TANC1: variants seen among roughly 807,000 people sequenced by gnomAD.
The protein encoded by TANC1 is tetratricopeptide repeat, ankyrin repeat and coiled-coil containing 1.
A neutral mutation model predicts 149.7 loss-of-function variants in TANC1; 77 were observed. That is an observed-to-expected ratio of 0.51 (90% confidence interval 0.43 to 0.62). The LOEUF (loss-of-function observed/expected upper bound fraction) is 0.62. TANC1 is among the 20% of genes least tolerant of loss of function. The pLI is 0.00. For synonymous variants in TANC1, 854 were observed against 925.0 expected (o/e 0.92, Z 1.39); for missense variants, 1,985 against 2,321.8 (o/e 0.85, Z 2.98).
At chr2:159,197,472 G>A (rs1299952186) in intron 18 of TANC1, among the ~76,000 whole-genome samples, 4 of 152,168 alleles carry the variant, frequency 2.6e-5, no homozygotes, top group Non-Finnish European at 4.4e-5. Flanking sequence ...TATTTGGTAA[G>A]ATTCTTTTTC....
At chr2:159,080,973 A>G (rs1242451399) in intron 3 of TANC1, among the ~76,000 whole-genome samples, 1 of 152,150 alleles carries the variant, frequency 6.6e-6, no homozygotes, top group African/African-American at 2.4e-5. Flanking sequence ...TAATTTTCAC[A>G]GGCTCACTCC....
chr2:159,172,405 AG>A, intron 11 of TANC1, 133 bp downstream of exon 11: 1 of 816,918 alleles, frequency 1.2e-6, no homozygotes, highest in Non-Finnish European at 1.9e-6. Context: ...TTAATGAAAT[AG>A]TGATACAGTT....
chr2:159,003,719 C>T (rs1023029383), intron 2 of TANC1, among the ~76,000 whole-genome samples: 13 of 152,218 alleles, frequency 8.5e-5, no homozygotes, highest in African/African-American at 2.2e-4. Context: ...AGCTGTATCA[C>T]GTTGGATCTG....
chr2:159,194,112 A>T, intron 16 of TANC1, 145 bp from the exon 17 acceptor site: 1 of 685,266 alleles, frequency 1.5e-6, no homozygotes, highest in East Asian at 2.5e-5. Flanking sequence ...TGCATTGTTA[A>T]TATATTCCCA....
chr2:159,179,420 G>A (rs1392688260), intron 14 of TANC1, among the ~76,000 whole-genome samples: 3 of 152,068 alleles, frequency 2.0e-5, no homozygotes, highest in African/African-American at 7.2e-5. Context: ...GCTGGGTGGT[G>A]CCTGTGTGGT....
intron 2 of TANC1, among the ~76,000 whole-genome samples, chr2:159,025,309 A>G (rs896498622): frequency 1.0e-4 from 15 of 147,408 alleles, no homozygotes; most frequent in Non-Finnish European, 2.1e-4. Context: ...TGGTAAGTGT[A>G]CCTAAAACCT....
At chr2:158,968,962 G>A (rs2032381946) in intron 1 of TANC1, among the ~76,000 whole-genome samples, 180 bp downstream of exon 1, 1 of 152,156 alleles carries the variant, frequency 6.6e-6, no homozygotes, top group Admixed American at 6.5e-5. Flanking sequence ...GGAGCTTTCC[G>A]GGAATAGGCA....
At chr2:159,179,277 C>T (rs1193194830) in intron 14 of TANC1, 114 bp downstream of exon 14, 2 of 1,335,566 alleles carry the variant, frequency 1.5e-6, no homozygotes, top group South Asian at 1.4e-5. Flanking sequence ...ATGACTAATT[C>T]AGTGTTACTG....
intron 14 of TANC1, among the ~76,000 whole-genome samples, chr2:159,179,555 C>G (rs1203598661): frequency 1.3e-5 from 2 of 152,110 alleles, no homozygotes; most frequent in Admixed American, 6.5e-5. Flanking sequence ...AGGGAGTTCC[C>G]TGTGTGTCTG....
Position 159,143,371 on chromosome 2 carries a change from A to T in TANC1, c.365-5771A>T, listed in dbSNP as rs1574940367. Reference sequence around the variant, plus strand: ...TGGGTAAAAGATCCATTTACAGTATAAAACAGACCATTGGATCTTACTGTA... The same window carrying T: ...TGGGTAAAAGATCCATTTACAGTATTAAACAGACCATTGGATCTTACTGTA... On this transcript the variant is annotated intron_variant, in intron 5 of 26. Coordinates refer to ENST00000263635, the MANE Select transcript of TANC1 (RefSeq NM_033394.3). Among the ~76,000 whole-genome samples the T allele has an allele frequency of 3.3e-5, 5 of 152,226 alleles. No individual in the cohort carries two copies. In the East Asian group the frequency reaches 9.6e-4, roughly 29 times the overall value.
intron 2 of TANC1, among the ~76,000 whole-genome samples, chr2:159,014,219 A>G (rs748007520): frequency 3.9e-5 from 6 of 152,206 alleles, no homozygotes; most frequent in South Asian, 2.1e-4. Flanking sequence ...ACAGTTCCAC[A>G]TGGCTGGGGA....
intron 3 of TANC1, among the ~76,000 whole-genome samples, chr2:159,096,401 C>T (rs1265564255): frequency 1.3e-5 from 2 of 151,014 alleles, no homozygotes; most frequent in Non-Finnish European, 2.9e-5. Context: ...GTTCTGTCTA[C>T]CCTAGAATGT....
rs375756133 is a variant in TANC1 at position 159,015,755 on chromosome 2, C to A, written c.-16+14566C>A. Among the ~76,000 whole-genome samples, 179 of 152,294 alleles carry A rather than the reference C, an allele frequency of 1.2e-3. 1 individual carries two copies. The highest frequency in any genetic ancestry group is 4.2e-3 in the African/African-American group (174 of 41,544). The stretch of plus-strand genomic sequence containing the variant: ...GTTCCACAGATCTCTAGGGCAGGGG[C>A]AAAATGCTGCCAGTCTCTTTGCTAA... On this transcript the variant is annotated intron_variant, in intron 2 of 26. Coordinates refer to ENST00000263635, the MANE Select transcript of TANC1 (RefSeq NM_033394.3).
chr2:159,156,874 G>A (rs1048640617), intron 7 of TANC1, among the ~76,000 whole-genome samples: 2 of 152,120 alleles, frequency 1.3e-5, no homozygotes, highest in Admixed American at 6.5e-5. Flanking sequence ...CATCCTCCCC[G>A]CCCAGCACCA....
intron 2 of TANC1, among the ~76,000 whole-genome samples, chr2:159,046,417 G>A (rs145039089): frequency 2.8e-4 from 42 of 152,002 alleles, no homozygotes; most frequent in East Asian, 2.1e-3. Context: ...GGTTTCCTTC[G>A]CCTCAATAGA....
intron 1 of TANC1, among the ~76,000 whole-genome samples, chr2:158,983,418 G>C (rs1396660851): frequency 2.2e-5 from 3 of 137,950 alleles, no homozygotes; most frequent in African/African-American, 8.3e-5. Context: ...AATGAGCCGA[G>C]ATCGCGCCAC....
At chr2:159,137,926 G>A (rs1023604848) in intron 5 of TANC1, among the ~76,000 whole-genome samples, 7 of 152,052 alleles carry the variant, frequency 4.6e-5, no homozygotes, top group African/African-American at 1.7e-4. Flanking sequence ...GTGGGAGTGG[G>A]GGTAGAAAAT....
intron 2 of TANC1, among the ~76,000 whole-genome samples, chr2:159,022,932 A>C (rs1237327350): frequency 6.6e-6 from 1 of 152,118 alleles, no homozygotes; most frequent in Non-Finnish European, 1.5e-5. Context: ...ATTCATCAGG[A>C]GCATACTATA....
intron 7 of TANC1, among the ~76,000 whole-genome samples, chr2:159,162,873 C>A (rs977959877): frequency 6.6e-6 from 1 of 152,158 alleles, no homozygotes. Context: ...CCCACTCCCC[C>A]ACCCCCAGCA....
Sources: gnomAD v4.1 joint callset for allele counts (sites outside exome capture counted in the v4.1 genomes callset) on GRCh38, gnomAD v4.1.1 for gene constraint, MANE v1.5 for transcripts, NCBI Gene and HGNC (gene_info 2026-07-23, HGNC 2026-07-21) for gene names.